The following TIAM1 variants were observed in gnomAD, a reference collection of about 807,000 sequenced individuals.
TIAM1 encodes TIAM Rac1 associated GEF 1.
A neutral mutation model predicts 163.5 loss-of-function variants in TIAM1; 65 were observed. That is an observed-to-expected ratio of 0.40 (90% confidence interval 0.33 to 0.49). TIAM1 has a LOEUF of 0.49. TIAM1 is among the 20% of genes least tolerant of loss of function. The pLI is 0.77. For missense variants in TIAM1, 1,789 were observed against 2,044.7 expected (o/e 0.87, Z 2.41); for synonymous variants, 833 against 810.1 (o/e 1.03, Z -0.48).
chr21:31,402,813 G>A (rs536663594), intron 2 of TIAM1, among the ~76,000 whole-genome samples: 8 of 152,160 alleles, frequency 5.3e-5, no homozygotes, highest in South Asian at 4.2e-4. Context: ...TTAGCCGGGC[G>A]TGGTAGCAGG....
intron 2 of TIAM1, among the ~76,000 whole-genome samples, chr21:31,369,917 A>C (rs769791057): frequency 2.0e-5 from 3 of 152,038 alleles, no homozygotes; most frequent in Non-Finnish European, 2.9e-5. Context: ...CCCGGGAGGC[A>C]GAGGTTGCAA....
chr21:31,392,570 C>CA (rs61454127), intron 2 of TIAM1, among the ~76,000 whole-genome samples: 8,882 of 84,340 alleles, frequency 0.11, 441 homozygotes, highest in African/African-American at 0.13. Context: ...AACTCTGTCT[C>CA]AAAAAAAAAA....
At chr21:31,492,665 G>T (rs536669430) in intron 1 of TIAM1, among the ~76,000 whole-genome samples, 100 of 151,838 alleles carry the variant, frequency 6.6e-4, no homozygotes, top group Non-Finnish European at 1.4e-3. Context: ...CCTGTGCCCC[G>T]ACCACCTTGG....
chr21:31,553,361 T>TG (rs2048759244), intron 1 of TIAM1, among the ~76,000 whole-genome samples: 1 of 152,224 alleles, frequency 6.6e-6, no homozygotes, highest in African/African-American at 2.4e-5. Context: ...TGTGAGGAGA[T>TG]GGAGATGCAC....
At chr21:31,315,141 C>T (rs905695061) in intron 2 of TIAM1, among the ~76,000 whole-genome samples, 13 of 152,124 alleles carry the variant, frequency 8.5e-5, no homozygotes, top group South Asian at 4.1e-4. Context: ...AAGGCCATGG[C>T]GGATGGATCA....
intron 2 of TIAM1, among the ~76,000 whole-genome samples, chr21:31,326,672 A>T (rs1601972587): frequency 6.6e-6 from 1 of 152,216 alleles, no homozygotes; most frequent in East Asian, 1.9e-4. Context: ...ACCAGGTAAT[A>T]CTCGGGAAGT....
intron 26 of TIAM1, among the ~76,000 whole-genome samples, chr21:31,126,695 G>T (rs1360978559): frequency 6.6e-6 from 1 of 152,106 alleles, no homozygotes; most frequent in South Asian, 2.1e-4. Flanking sequence ...TAAAAGAATA[G>T]GTTTCATATG....
At chr21:31,406,207 A>G (rs2077245324) in intron 2 of TIAM1, among the ~76,000 whole-genome samples, 1 of 151,120 alleles carries the variant, frequency 6.6e-6, no homozygotes, top group Non-Finnish European at 1.5e-5. Flanking sequence ...CACTCCTAAC[A>G]TTGTCACTCT....
At chr21:31,376,174 A>G (rs2076683697) in intron 2 of TIAM1, among the ~76,000 whole-genome samples, 1 of 152,140 alleles carries the variant, frequency 6.6e-6, no homozygotes, top group Non-Finnish European at 1.5e-5. Context: ...TATTTCCTTA[A>G]TTGTGCTTCC....
At chr21:31,205,451 G>A (rs188227587) in intron 11 of TIAM1, among the ~76,000 whole-genome samples, 246 of 152,308 alleles carry the variant, frequency 1.6e-3, no homozygotes, top group African/African-American at 5.4e-3. Flanking sequence ...CCTCACCCAA[G>A]AAGTTCTGGT....
chr21:31,148,322 C>T (rs2083227879), intron 19 of TIAM1, among the ~76,000 whole-genome samples: 1 of 152,174 alleles, frequency 6.6e-6, no homozygotes, highest in Admixed American at 6.5e-5. Flanking sequence ...CTGTGCTGTT[C>T]TCATGATAGC....
intron 2 of TIAM1, among the ~76,000 whole-genome samples, chr21:31,332,570 C>T (rs1215420911): frequency 6.6e-6 from 1 of 151,930 alleles, no homozygotes; most frequent in Non-Finnish European, 1.5e-5. Context: ...ACTGAGCTTA[C>T]CAGAAATACC....
At chr21:31,233,319 T>C (rs770159181) in intron 6 of TIAM1, among the ~76,000 whole-genome samples, 3 of 152,160 alleles carry the variant, frequency 2.0e-5, no homozygotes, top group Non-Finnish European at 4.4e-5. Context: ...AAAGCTCCAG[T>C]GTGAATTCTG....
At chr21:31,299,753 G>A in intron 2 of TIAM1, among the ~76,000 whole-genome samples, 1 of 152,116 alleles carries the variant, frequency 6.6e-6, no homozygotes, top group Non-Finnish European at 1.5e-5. Context: ...GCTGCTTGAG[G>A]CCCAAATGAC....
In TIAM1 at chr21:31,266,285, T is replaced by C; in HGVS notation, c.688A>G (p.Asn230Asp). 1 of 1,614,228 alleles carries C rather than the reference T, an allele frequency of 6.2e-7. No homozygotes were observed. The highest frequency in any genetic ancestry group is 8.5e-7 in the Non-Finnish European group (1 of 1,180,048). ...TGAGCATACAAGTCACCCAAGGAATTGGCTCTCTGACAGGTGCTGAGCTGC... is the reference window on the plus strand; with the variant it reads ...TGAGCATACAAGTCACCCAAGGAATCGGCTCTCTGACAGGTGCTGAGCTGC... ...PRQLSTCQRA[N>D]SLGDLYAQKN... Residue 230 changes from asparagine (N) to aspartate (D), a missense_variant, in exon 4 of 28, where the codon AAT (asparagine) becomes GAT (aspartate). Physicochemically the swap from Asn to Asp is conservative, Grantham distance 23. Around this residue, in one of 5 missense-constraint regions of TIAM1, gnomAD observed 555 missense variants for 564.9 expected, o/e 0.98. Coordinates refer to ENST00000541036, the MANE Select transcript of TIAM1 (RefSeq NM_001353694.2).
intron 2 of TIAM1, among the ~76,000 whole-genome samples, chr21:31,368,700 C>T (rs1426252344): frequency 2.6e-5 from 4 of 151,914 alleles, no homozygotes; most frequent in Admixed American, 6.6e-5. Context: ...AAGAAAAGGA[C>T]GGGAGAAAAA....
chr21:31,168,571 T>C (rs1853347311), intron 15 of TIAM1, among the ~76,000 whole-genome samples: 1 of 152,166 alleles, frequency 6.6e-6, no homozygotes, highest in South Asian at 2.1e-4. Context: ...CTGCTAATTT[T>C]TTGTATTTTT....
At chr21:31,400,116 C>T (rs1196754936) in intron 2 of TIAM1, among the ~76,000 whole-genome samples, 1 of 151,708 alleles carries the variant, frequency 6.6e-6, no homozygotes, top group Non-Finnish European at 1.5e-5. Context: ...ATAAGGACAA[C>T]ACTCTTTTTT....
At chr21:31,393,202 C>T (rs982942203) in intron 2 of TIAM1, among the ~76,000 whole-genome samples, 6 of 152,192 alleles carry the variant, frequency 3.9e-5, no homozygotes, top group African/African-American at 1.4e-4. Context: ...GTGATCCGCC[C>T]ACTTTGGCCT....
Sources: gnomAD v4.1 joint callset for allele counts (sites outside exome capture counted in the v4.1 genomes callset) on GRCh38, gnomAD v4.1.1 for gene constraint, gnomAD v4.1.1 regional missense constraint, MANE v1.5 for transcripts, NCBI Gene and HGNC (gene_info 2026-07-23, HGNC 2026-07-21) for gene names.